TEK: variants seen among roughly 807,000 people sequenced by gnomAD.
TEK encodes angiopoietin-1 receptor.
TEK carries 43 observed loss-of-function variants against 131.8 expected under a neutral mutation model. That is an observed-to-expected ratio of 0.33 (90% CI 0.26 to 0.42). TEK has a LOEUF of 0.42. TEK is among the 10% of genes least tolerant of loss of function. The pLI is 1.00. For missense variants in TEK, 1,162 were observed against 1,384.4 expected (o/e 0.84, Z 2.55); for synonymous variants, 580 against 491.6 (o/e 1.18, Z -2.38).
At chr9:27,151,893 A>G (rs118000590) in intron 1 of TEK, among the ~76,000 whole-genome samples, 1 of 152,316 alleles carries the variant, frequency 6.6e-6, no homozygotes, top group East Asian at 1.9e-4. Flanking sequence ...AACCTAAACT[A>G]AAATCCAAAC....
At chr9:27,219,496 G>A (rs1825962746) in intron 20 of TEK, among the ~76,000 whole-genome samples, 1 of 152,142 alleles carries the variant, frequency 6.6e-6, no homozygotes, top group Non-Finnish European at 1.5e-5. Flanking sequence ...AGAGGGTAGG[G>A]AACAAGGGGA....
chr9:27,204,800 G>T (rs566490), intron 13 of TEK, 111 bp from the exon 14 acceptor site: 1 of 1,450,980 alleles, frequency 6.9e-7, no homozygotes, highest in Non-Finnish European at 9.6e-7. Context: ...AGGTGGCAGG[G>T]TTAAGGCTGC....
intron 21 of TEK, among the ~76,000 whole-genome samples, chr9:27,225,930 G>C (rs1021136038): frequency 1.3e-5 from 2 of 152,094 alleles, no homozygotes; most frequent in African/African-American, 4.8e-5. Context: ...AAAGGATATG[G>C]ACAGACACTT....
chr9:27,115,105 A>G (rs577284666), intron 1 of TEK, among the ~76,000 whole-genome samples: 1 of 152,222 alleles, frequency 6.6e-6, no homozygotes, highest in Non-Finnish European at 1.5e-5. Flanking sequence ...TTTAATAGAG[A>G]TATTACAGCA....
rs376915129 is a variant in TEK at position 27,158,147 on chromosome 9, C to G, written c.364+5C>G. On this transcript the variant is annotated splice_donor_5th_base_variant and intron_variant, in intron 2 of 22. Transcript: ENST00000380036. ...CCATGAAGATGCGTCAACAAGGTAA[C>G]ATGCCCCTAAGTTTTGGGCAGGTGA... 2.2e-5 allele frequency: 36 copies of G among 1,613,910 alleles called. No homozygotes were observed. The African/African-American group carries it at 4.0e-4, about 18-fold the overall frequency.
At chr9:27,154,234 G>A (rs1823239712) in intron 1 of TEK, among the ~76,000 whole-genome samples, 1 of 151,884 alleles carries the variant, frequency 6.6e-6, no homozygotes, top group South Asian at 2.1e-4. Flanking sequence ...TGTTACATAG[G>A]TATACACATG....
chr9:27,228,948 G>C (rs140189673), intron 22 of TEK, among the ~76,000 whole-genome samples: 2 of 152,276 alleles, frequency 1.3e-5, no homozygotes, highest in African/African-American at 4.8e-5. Flanking sequence ...TGAGGATACA[G>C]TATGAAATCT....
intron 10 of TEK, among the ~76,000 whole-genome samples, chr9:27,191,201 A>C (rs1252055512): frequency 6.6e-6 from 1 of 152,044 alleles, no homozygotes; most frequent in Non-Finnish European, 1.5e-5. Flanking sequence ...TGAACCTGCA[A>C]AGTTTGGGCT....
chr9:27,178,777 A>G (rs920181645), intron 6 of TEK, among the ~76,000 whole-genome samples: 1 of 152,218 alleles, frequency 6.6e-6, no homozygotes, highest in Non-Finnish European at 1.5e-5. Context: ...TCCAAGGGAA[A>G]ATAATGCTTC....
chr9:27,139,214 A>AAAAAAAAAAC (rs1388809958), intron 1 of TEK, among the ~76,000 whole-genome samples: 2 of 148,486 alleles, frequency 1.3e-5, no homozygotes, highest in South Asian at 4.3e-4. Context: ...CTCTGTCTCA[A>AAAAAAAAAAC]AAAAAAAAAA....
At chr9:27,171,615 T>C (rs1043738201) in intron 4 of TEK, among the ~76,000 whole-genome samples, 3 of 152,224 alleles carry the variant, frequency 2.0e-5, no homozygotes, top group Non-Finnish European at 2.9e-5. Context: ...TATTTGGGCT[T>C]GAGTCGAGGG....
intron 1 of TEK, among the ~76,000 whole-genome samples, chr9:27,138,512 A>G (rs888267232): frequency 6.6e-6 from 1 of 152,214 alleles, no homozygotes; most frequent in Non-Finnish European, 1.5e-5. Flanking sequence ...ACAATCCTCT[A>G]GCTAGACAGA....
intron 21 of TEK, 148 bp downstream of exon 21, chr9:27,220,293 T>C: frequency 1.4e-6 from 1 of 703,936 alleles, no homozygotes; most frequent in Non-Finnish European, 2.6e-6. Context: ...TCCCCTTTTA[T>C]TCACCTAATA....
At chr9:27,156,171 C>A (rs1823324310) in intron 1 of TEK, among the ~76,000 whole-genome samples, 1 of 152,100 alleles carries the variant, frequency 6.6e-6, no homozygotes, top group Non-Finnish European at 1.5e-5. Flanking sequence ...TTCAGTCAGG[C>A]AGATCTGAAA....
rs12339552 is a variant in TEK, at chr9:27,130,577, A to G, written c.52+20935A>G. The stretch of plus-strand genomic sequence containing the variant: ...CAAGAATAATAAAAGGCAAAGAACA[A>G]AAAGAGAAAAATACTTGGAACAAAT... On this transcript the variant is annotated intron_variant, in intron 1 of 22. Transcript: ENST00000380036. 4.1e-3 allele frequency among the ~76,000 whole-genome samples: 628 copies of G among 152,218 alleles called. 3 individuals are homozygous for G. Among genetic ancestry groups the G allele is most frequent in the African/African-American group, 0.014 (598 of 41,538 alleles).
In TEK at chr9:27,229,774, T is replaced by G. The variant is rs1826491925; in HGVS notation, c.*542T>G. 1 of 164,446 alleles carries G rather than the reference T, an allele frequency of 6.1e-6. No individual in the cohort carries two copies. Among genetic ancestry groups the G allele is most frequent in the African/African-American group, 2.4e-5 (1 of 41,570 alleles). 10.2% of individuals were successfully genotyped at this position (164,446 alleles called of 1,614,324 possible). A position where few individuals can be genotyped will look rare whatever the true frequency, so the allele number is the denominator to read the frequency against. On this transcript the variant is annotated 3_prime_UTR_variant, in exon 23 of 23. Coordinates refer to ENST00000380036, the MANE Select transcript of TEK (RefSeq NM_000459.5). Reference sequence around the variant, plus strand: ...CTCTCTCAATTTTATCCCTCACCTGTAGCAGCCAGTCCCGTTTCATTTAGT... The same window carrying G: ...CTCTCTCAATTTTATCCCTCACCTGGAGCAGCCAGTCCCGTTTCATTTAGT...
chr9:27,114,657 A>C (rs1229265059), intron 1 of TEK, among the ~76,000 whole-genome samples: 1 of 152,200 alleles, frequency 6.6e-6, no homozygotes, highest in Non-Finnish European at 1.5e-5. Context: ...CTGATAATCA[A>C]TTTTATATAT....
At chr9:27,226,645 G>C (rs1826339731) in intron 21 of TEK, among the ~76,000 whole-genome samples, 1 of 152,126 alleles carries the variant, frequency 6.6e-6, no homozygotes, top group African/African-American at 2.4e-5. Context: ...GATGGGTGCA[G>C]CAAACCACCA....
At chr9:27,143,369 G>A (rs911994948) in intron 1 of TEK, among the ~76,000 whole-genome samples, 1 of 152,190 alleles carries the variant, frequency 6.6e-6, no homozygotes, top group African/African-American at 2.4e-5. Context: ...AACCCAGTGG[G>A]ACATAGGTAG....
Sources: gnomAD v4.1 joint callset for allele counts (sites outside exome capture counted in the v4.1 genomes callset) on GRCh38, gnomAD v4.1.1 for gene constraint, MANE v1.5 for transcripts, NCBI Gene and HGNC (gene_info 2026-07-23, HGNC 2026-07-21) for gene names.